HDAC8: variants seen among roughly 807,000 people sequenced by gnomAD.
HDAC8 encodes the protein histone deacetylase 8.
Under a neutral mutation model 32.2 loss-of-function variants are expected in HDAC8, and 1 was observed. That is an observed-to-expected ratio of 0.03 (90% CI 0.01 to 0.15). HDAC8 has a LOEUF of 0.15. HDAC8 is among the 10% of genes least tolerant of loss of function. The probability of loss-of-function intolerance (pLI) is 1.00; values close to 1 mark genes in which losing one functional copy is unlikely to be tolerated. For synonymous variants in HDAC8, 108 were observed against 113.9 expected (o/e 0.95, Z 0.33); for missense variants, 117 against 300.0 (o/e 0.39, Z 4.51).
chrX:72,367,012 C>G (rs781955962), intron 9 of HDAC8, among the ~76,000 whole-genome samples: 1 of 112,075 alleles, frequency 8.9e-6, no homozygotes, highest in African/African-American at 3.2e-5. Flanking sequence ...TTAAAATACA[C>G]TAAAATAGAT....
rs143411472 is a variant in HDAC8 at position 72,384,447 on chromosome X, C to G, written c.1006-32609G>C. Among the ~76,000 whole-genome samples, 869 of 111,643 alleles carry G rather than the reference C, an allele frequency of 7.8e-3. 12 individuals carry two copies. Among genetic ancestry groups the G allele is most frequent in the African/African-American group, 0.027 (825 of 30,693 alleles). ...AGGCTGTTATGCTCTGCTGGAATCA[C>G]TTTCCACCCTTCTGTGCCTGGTTAA... On this transcript the variant is annotated intron_variant, in intron 9 of 10. Transcript: ENST00000373573.
At chrX:72,530,696 TCTAC>T (rs1279516738) in intron 4 of HDAC8, among the ~76,000 whole-genome samples, 9 of 111,214 alleles carry the variant, frequency 8.1e-5, no homozygotes, top group African/African-American at 1.6e-4. Flanking sequence ...TGTCTGTCTA[TCTAC>T]CTACCTACCT....
chrX:72,345,687 A>C (rs1401723947), intron 10 of HDAC8, among the ~76,000 whole-genome samples: 1 of 111,391 alleles, frequency 9.0e-6, no homozygotes, highest in East Asian at 2.8e-4. Context: ...GATTAAAAAA[A>C]ATTTTTTTTT....
At position 72,454,601 on chromosome X, in the gene HDAC8, T is replaced by A. The variant is rs782470434; in HGVS notation, c.1005+7403A>T. On this transcript the variant is annotated intron_variant, in intron 9 of 10. Coordinates refer to ENST00000373573, the MANE Select transcript of HDAC8 (RefSeq NM_018486.3). ...TTTCAAAATAATTCGTCATTTAAATTGTAGCATCATTTTTAGACCATTCAT... is the reference window on the plus strand; with the variant it reads ...TTTCAAAATAATTCGTCATTTAAATAGTAGCATCATTTTTAGACCATTCAT... 1.4e-3 allele frequency among the ~76,000 whole-genome samples: 155 copies of A among 112,743 alleles called. 2 individuals are homozygous for A. Among genetic ancestry groups the A allele is most frequent in the African/African-American group, 4.9e-3 (152 of 31,122 alleles).
At chrX:72,527,907 C>T (rs1026385240) in intron 4 of HDAC8, among the ~76,000 whole-genome samples, 48 of 108,712 alleles carry the variant, frequency 4.4e-4, no homozygotes, top group African/African-American at 1.6e-3. Context: ...TCCCAAGTAG[C>T]TGGGATTACA....
chrX:72,403,696 G>A (rs1555968065), intron 9 of HDAC8, among the ~76,000 whole-genome samples: 2 of 111,247 alleles, frequency 1.8e-5, no homozygotes, highest in Non-Finnish European at 3.8e-5. Flanking sequence ...TTGTGGTGGT[G>A]GGCACCTGTA....
chrX:72,417,131 T>G (rs782778022), intron 9 of HDAC8, among the ~76,000 whole-genome samples: 2 of 111,521 alleles, frequency 1.8e-5, no homozygotes, highest in East Asian at 5.6e-4. Context: ...TTCTGCTACT[T>G]CATGGGAAAA....
chrX:72,443,868 C>T (rs1163355503), intron 9 of HDAC8, among the ~76,000 whole-genome samples: 1 of 109,708 alleles, frequency 9.1e-6, no homozygotes, highest in Non-Finnish European at 1.9e-5. Flanking sequence ...CCACCGATCA[C>T]ACAGAAATAC....
chrX:72,388,502 G>C (rs1194752330), intron 9 of HDAC8, among the ~76,000 whole-genome samples: 1 of 108,538 alleles, frequency 9.2e-6, no homozygotes, highest in African/African-American at 3.4e-5. Flanking sequence ...AATGGATCTG[G>C]AATCTAGAGG....
In HDAC8 at chrX:72,486,994, T is replaced by G. The variant is rs782330861; in HGVS notation, c.737+1939A>C. 8.1e-5 allele frequency among the ~76,000 whole-genome samples: 9 copies of G among 111,726 alleles called. No individual in the cohort carries two copies. The East Asian group carries it at 2.3e-3, about 28-fold the overall frequency. On this transcript the variant is annotated intron_variant, in intron 7 of 10. Coordinates refer to ENST00000373573, the MANE Select transcript of HDAC8 (RefSeq NM_018486.3). The stretch of plus-strand genomic sequence containing the variant: ...GGAACCTGTTATTCTGGATGATCAC[T>G]GTGTGGCTTGCATTGCCAATGTGGG...
intron 9 of HDAC8, among the ~76,000 whole-genome samples, chrX:72,375,611 G>GTTCC (rs1299597021): frequency 9.0e-6 from 1 of 110,654 alleles, no homozygotes; most frequent in Admixed American, 9.7e-5. Flanking sequence ...GGGAAGAGAA[G>GTTCC]GGAAGGGAGG....
At position 72,546,488 on chromosome X, in the gene HDAC8, T is replaced by C. The variant is rs1488913199; in HGVS notation, c.437+21401A>G. On this transcript the variant is annotated intron_variant, in intron 4 of 10. Coordinates refer to ENST00000373573, the MANE Select transcript of HDAC8 (RefSeq NM_018486.3). Reference sequence around the variant, plus strand: ...TGCAGAACCAAACAGAATAAGACACTAGAAAAGGCTGGTGGAAGGGTGAAG... The same window carrying C: ...TGCAGAACCAAACAGAATAAGACACCAGAAAAGGCTGGTGGAAGGGTGAAG... 3.6e-5 allele frequency among the ~76,000 whole-genome samples: 4 copies of C among 110,813 alleles called. No individual in the cohort carries two copies. The Admixed American group carries it at 3.9e-4, about 11-fold the overall frequency.
intron 4 of HDAC8, among the ~76,000 whole-genome samples, chrX:72,503,545 T>C (rs1053188054): frequency 1.8e-5 from 2 of 112,169 alleles, no homozygotes; most frequent in Admixed American, 1.9e-4. Flanking sequence ...AACTATCTAG[T>C]AGACCATGCT....
chrX:72,456,492 TA>T (rs2047721769), intron 9 of HDAC8, among the ~76,000 whole-genome samples: 3 of 111,087 alleles, frequency 2.7e-5, no homozygotes, highest in Admixed American at 9.6e-5. Context: ...AAGTTGACTC[TA>T]ATAAGTTAAA....
chrX:72,549,384 G>A (rs1186767160), intron 4 of HDAC8, among the ~76,000 whole-genome samples: 1 of 110,247 alleles, frequency 9.1e-6, no homozygotes, highest in Non-Finnish European at 1.9e-5. Flanking sequence ...CTATAATGCT[G>A]TTGACTTTCA....
At chrX:72,418,633 C>G (rs1483364419) in intron 9 of HDAC8, among the ~76,000 whole-genome samples, 2 of 111,650 alleles carry the variant, frequency 1.8e-5, no homozygotes, top group African/African-American at 3.2e-5. Context: ...GATGATTTCT[C>G]AAAGAACTTA....
At chrX:72,491,059 T>G in intron 5 of HDAC8, 53 bp from the exon 6 acceptor site, 1 of 886,785 alleles carries the variant, frequency 1.1e-6, no homozygotes, top group Non-Finnish European at 1.7e-6. Flanking sequence ...CATTCCTATT[T>G]TCAACATCTG....
intron 9 of HDAC8, among the ~76,000 whole-genome samples, chrX:72,438,704 C>T (rs1487409577): frequency 9.1e-6 from 1 of 110,229 alleles, no homozygotes; most frequent in Non-Finnish European, 1.9e-5. Flanking sequence ...AAGTGGAAGA[C>T]AGGATATCAG....
intron 4 of HDAC8, among the ~76,000 whole-genome samples, chrX:72,558,396 T>C (rs1320007023): frequency 8.9e-6 from 1 of 112,058 alleles, no homozygotes; most frequent in African/African-American, 3.2e-5. Context: ...CATGATCAAC[T>C]GGGTTCGATA....
Sources: allele counts gnomAD v4.1 joint callset (sites outside exome capture counted in the v4.1 genomes callset), GRCh38; gene constraint gnomAD v4.1.1; transcripts MANE v1.5; gene names NCBI Gene and HGNC (gene_info 2026-07-23, HGNC 2026-07-21).